Variants in ZNF672 observed in about 807,000 individuals in gnomAD.
The protein encoded by ZNF672 is zinc finger protein 672.
For missense variants in ZNF672, 733 were observed against 701.1 expected (o/e 1.05, Z -0.51); for synonymous variants, 358 against 305.6 (o/e 1.17, Z -1.79).
At chr1:248,841,496 C>T (rs1206001570) in intron 1 of ZNF672, among the ~76,000 whole-genome samples, 2 of 152,140 alleles carry the variant, frequency 1.3e-5, no homozygotes, top group South Asian at 2.1e-4. Flanking sequence ...TCCTTGCCTA[C>T]ATCCTGTTGC....
intron 2 of ZNF672, 91 bp downstream of exon 2, chr1:248,844,727 G>A (rs1664729955): frequency 6.6e-6 from 1 of 152,354 alleles, no homozygotes; most frequent in Non-Finnish European, 1.5e-5. Context: ...AGTGGCCTGG[G>A]AGAGGGTGGG....
At chr1:248,842,976 C>A (rs1664702850) in intron 1 of ZNF672, among the ~76,000 whole-genome samples, 1 of 152,166 alleles carries the variant, frequency 6.6e-6, no homozygotes, top group Non-Finnish European at 1.5e-5. Flanking sequence ...TGGCATTTTA[C>A]CCCCTTGTCC....
At chr1:248,840,207 A>G (rs1664648730) in intron 1 of ZNF672, among the ~76,000 whole-genome samples, 1 of 151,962 alleles carries the variant, frequency 6.6e-6, no homozygotes, top group African/African-American at 2.4e-5. Context: ...CTCCTGCTTC[A>G]GCCTCCCGAG....
rs1664774923 is a variant in ZNF672 at position 248,847,168 on chromosome 1, G to A, written c.-107G>A. 2 of 1,438,266 alleles carry A rather than the reference G, an allele frequency of 1.4e-6. No homozygotes were observed. Among genetic ancestry groups the A allele is most frequent in the Non-Finnish European group, 1.9e-6 (2 of 1,077,108 alleles). 89.1% of individuals were successfully genotyped at this position (1,438,266 alleles called of 1,614,324 possible). ...TTTGCGGCCTCCCCCTTTCCTCTCT[G>A]TTACAGTGCCCTTTCCAGGCCTTAA... On this transcript the variant is annotated 5_prime_UTR_variant, in exon 4 of 4. Transcript: ENST00000306562.
In ZNF672 at chr1:248,838,391, G is replaced by T. The variant is rs1664608570; in HGVS notation, c.-635G>T. On this transcript the variant is annotated 5_prime_UTR_variant, in exon 1 of 4. Coordinates refer to ENST00000306562, the MANE Select transcript of ZNF672 (RefSeq NM_024836.3). ...GGAGCGTGACCTCCCCATCCCGAGG[G>T]GCCGGACGCTCGGGCGCCTCCCCGC... 6.6e-6 allele frequency: 1 copy of T among 152,244 alleles called. No individual in the cohort carries two copies. The highest frequency in any genetic ancestry group is 6.5e-5 in the Admixed American group (1 of 15,290). The allele number at this position is 152,244 out of a possible 1,614,324, so 9.4% of individuals were successfully genotyped here.
intron 1 of ZNF672, among the ~76,000 whole-genome samples, chr1:248,843,731 AT>A (rs1410013558): frequency 6.6e-6 from 1 of 152,254 alleles, no homozygotes; most frequent in African/African-American, 2.4e-5. Context: ...ATTTCAACAT[AT>A]AATCAATGCT....
chr1:248,845,882 G>A (rs774726293), intron 3 of ZNF672, among the ~76,000 whole-genome samples: 1 of 152,192 alleles, frequency 6.6e-6, no homozygotes, highest in Non-Finnish European at 1.5e-5. Context: ...GCTGGAGACT[G>A]ACCTGTGGCC....
chr1:248,847,544 C>G lies in ZNF672; in HGVS notation c.270C>G (p.Gly90=), dbSNP rs139163248. ...RHSGRLDLHL[G]AHRQRCRTCP... ...GCGGCCGTCTTGACCTACACTTGGG[C>G]GCACACCGGCAGCGATGCCGCACTT... Residue 90 remains glycine (G), a synonymous_variant, in exon 4 of 4, where the codon GGC becomes GGG. Coordinates refer to ENST00000306562, the MANE Select transcript of ZNF672 (RefSeq NM_024836.3). 9 of 1,590,576 alleles carry G rather than the reference C, an allele frequency of 5.7e-6. No individual in the cohort carries two copies. The highest frequency in any genetic ancestry group is 7.7e-6 in the Non-Finnish European group (9 of 1,170,400).
chr1:248,847,320 T>C lies in ZNF672; in HGVS notation c.46T>C (p.Cys16Arg). The change falls in exon 4 of 4, where the codon TGC becomes CGC. Residue 16 changes from cysteine to arginine, a missense_variant. Transcript: ENST00000306562. ...AGTGGCAGCGGGGAAGCCTTACTCG[T>C]GCAGCGAATGTGGCAAGAGCTTCTG... ...GAVAAGKPYS[C>R]SECGKSFCYS... 2 of 1,609,726 alleles carry C rather than the reference T, an allele frequency of 1.2e-6. No individual in the cohort carries two copies. Among genetic ancestry groups the C allele is most frequent in the Non-Finnish European group, 1.7e-6 (2 of 1,176,224 alleles).
Position 248,847,073 on chromosome 1 carries a change from TG to T in ZNF672, c.-200del. The T allele has an allele frequency of 1.5e-6, 1 of 667,556 alleles. No individual in the cohort carries two copies. 41.4% of individuals were successfully genotyped at this position (667,556 alleles called of 1,614,324 possible). Reference sequence around the variant, plus strand: ...ACAGGCTCACGGTGCAGGGTGAACCTGGCCACAGCTCACCCTGGAACAGCCA... The same window carrying T: ...ACAGGCTCACGGTGCAGGGTGAACCTGCCACAGCTCACCCTGGAACAGCCA... On this transcript the variant is annotated 5_prime_UTR_variant, in exon 4 of 4. It introduces an in-frame stop codon into an upstream open reading frame of the 5' UTR. Transcript: ENST00000306562.
At chr1:248,846,638 TTTTGGAGGAAGGCG>T (rs1664764748) in intron 3 of ZNF672, among the ~76,000 whole-genome samples, 1 of 152,038 alleles carries the variant, frequency 6.6e-6, no homozygotes, top group South Asian at 2.1e-4. Flanking sequence ...GAAAGCTGGG[TTTTGGAGGAAGGCG>T]TTGGTATAGT....
At chr1:248,843,093 C>T (rs1201328607) in intron 1 of ZNF672, among the ~76,000 whole-genome samples, 2 of 152,104 alleles carry the variant, frequency 1.3e-5, no homozygotes, top group Non-Finnish European at 2.9e-5. Flanking sequence ...CGGGGCTGCC[C>T]TAGGGAGACT....
chr1:248,843,615 A>G (rs1268212484), intron 1 of ZNF672, among the ~76,000 whole-genome samples: 1 of 152,242 alleles, frequency 6.6e-6, no homozygotes, highest in Non-Finnish European at 1.5e-5. Context: ...GACAAGCACT[A>G]TTCAATAAAA....
At position 248,848,349 on chromosome 1, in the gene ZNF672, C is replaced by G; in HGVS notation, c.1075C>G (p.Arg359Gly). The G allele has an allele frequency of 6.2e-7, 1 of 1,601,340 alleles. No individual in the cohort carries two copies. The highest frequency in any genetic ancestry group is 8.5e-7 in the Non-Finnish European group (1 of 1,179,748). Residue 359 changes from arginine to glycine, a missense_variant, in exon 4 of 4, where the codon CGC (arginine) becomes GGC (glycine). Physicochemically the swap from Arg to Gly is moderately radical, Grantham distance 125. Transcript: ENST00000306562. ...TCVSNLNVHR[R>G]NHAGHKPHKC... ...CGTGTCCAATCTCAACGTGCATCGG[C>G]GCAACCATGCCGGCCACAAGCCACA...
In ZNF672 at chr1:248,847,707, C is replaced by G; in HGVS notation, c.433C>G (p.His145Asp). 1 of 1,458,978 alleles carries G rather than the reference C, an allele frequency of 6.9e-7. No individual in the cohort carries two copies. Among genetic ancestry groups the G allele is most frequent in the Non-Finnish European group, 9.0e-7 (1 of 1,110,558 alleles). The allele number at this position is 1,458,978 out of a possible 1,614,324, so 90.4% of individuals were successfully genotyped here. A position where few individuals can be genotyped will look rare whatever the true frequency, so the allele number is the denominator to read the frequency against. ...RTFRQSALLFHQARAHPLGTT... is the reference protein window; with the variant it reads ...RTFRQSALLFDQARAHPLGTT... ...CTTCCGGCAGAGCGCGCTGCTCTTC[C>G]ACCAGGCGCGGGCGCACCCCTTGGG... Residue 145 changes from histidine to aspartate, a missense_variant, in exon 4 of 4, where the codon CAC (histidine) becomes GAC (aspartate). By Grantham distance (81) the His-to-Asp change is moderately conservative. Transcript: ENST00000306562.
At position 248,847,205 on chromosome 1, in the gene ZNF672, C is replaced by G. The variant is rs1664775454; in HGVS notation, c.-70C>G. The G allele has an allele frequency of 6.5e-7, 1 of 1,531,544 alleles. No homozygotes were observed. The highest frequency in any genetic ancestry group is 1.4e-5 in the African/African-American group (1 of 72,964). The allele number at this position is 1,531,544 out of a possible 1,614,324, so 94.9% of individuals were successfully genotyped here. On this transcript the variant is annotated 5_prime_UTR_variant, in exon 4 of 4. Transcript: ENST00000306562. Reference sequence around the variant, plus strand: ...TTTCCAGGCCTTAAGAGAAGTAAAACTTAGCTGCAGCGTCAGGAGGTGGAC... The same window carrying G: ...TTTCCAGGCCTTAAGAGAAGTAAAAGTTAGCTGCAGCGTCAGGAGGTGGAC...
Position 248,848,416 on chromosome 1 carries a change from A to G in ZNF672, c.1142A>G (p.Lys381Arg). 2.5e-6 allele frequency: 4 copies of G among 1,606,310 alleles called. No homozygotes were observed. Among genetic ancestry groups the G allele is most frequent in the Non-Finnish European group, 3.4e-6 (4 of 1,179,738 alleles). ...ECSKAFSVAS[K>R]LALHRKTHLG... ...AGCAAGGCCTTCAGCGTCGCCTCCA[A>G]GCTTGCACTGCACCGCAAGACGCAC... The change falls in exon 4 of 4, where the codon AAG (lysine) becomes AGG (arginine). Residue 381 changes from lysine to arginine, a missense_variant. By Grantham distance (26) the Lys-to-Arg change is conservative. Coordinates refer to ENST00000306562, the MANE Select transcript of ZNF672 (RefSeq NM_024836.3).
At chr1:248,842,909 G>A (rs996904634) in intron 1 of ZNF672, 12 of 152,130 alleles carry the variant, frequency 7.9e-5, no homozygotes, top group African/African-American at 2.7e-4. Flanking sequence ...AGGGCCCCAC[G>A]ATTAACACAG....
rs1192646833 is a variant in ZNF672, at chr1:248,848,315, G to A, written c.1041G>A (p.Arg347=). The change falls in exon 4 of 4, where the codon CGG becomes CGA. Residue 347 remains arginine, a synonymous_variant. Transcript: ENST00000306562. ...KPYRCELCGK[R]FTCVSNLNVH... ...ACCGCTGCGAACTGTGCGGCAAGCG[G>A]TTCACGTGCGTGTCCAATCTCAACG... 2 of 1,601,994 alleles carry A rather than the reference G, an allele frequency of 1.2e-6. No homozygotes were observed. Among genetic ancestry groups the A allele is most frequent in the Non-Finnish European group, 1.7e-6 (2 of 1,179,710 alleles).
Sources: allele counts gnomAD v4.1 joint callset (sites outside exome capture counted in the v4.1 genomes callset), GRCh38; gene constraint gnomAD v4.1.1; transcripts MANE v1.5; gene names NCBI Gene and HGNC (gene_info 2026-07-23, HGNC 2026-07-21).